TRAPPC9: variants seen among roughly 807,000 people sequenced by gnomAD.
The protein encoded by TRAPPC9 is IKK2 binding protein.
Under a neutral mutation model 124.0 loss-of-function variants are expected in TRAPPC9, and 83 were observed. The observed-to-expected ratio is 0.67, with a 90% CI of 0.56 to 0.80. The LOEUF is 0.80. TRAPPC9 is among the 30% of genes least tolerant of loss of function. The pLI, the probability that TRAPPC9 is intolerant of heterozygous loss-of-function variation, is 0.00. For missense variants in TRAPPC9, 1,302 were observed against 1,508.3 expected, an observed-to-expected ratio of 0.86 and a Z score of 2.27; for synonymous variants, 638 against 617.5, an observed-to-expected ratio of 1.03 and a Z score of -0.49.
intron 17 of TRAPPC9, among the ~76,000 whole-genome samples, chr8:140,221,095 G>C (rs1164770117): frequency 2.6e-5 from 4 of 152,160 alleles, no homozygotes; most frequent in Non-Finnish European, 5.9e-5. Context: ...AATTGGGAAG[G>C]GTTGCCAAAA....
chr8:139,857,207 A>G (rs569387593), intron 21 of TRAPPC9, among the ~76,000 whole-genome samples: 3 of 152,304 alleles, frequency 2.0e-5, no homozygotes, highest in African/African-American at 7.2e-5. Flanking sequence ...GTGGAGCGCC[A>G]GGAGGTGAGG....
chr8:140,248,374 C>T (rs977220558), intron 16 of TRAPPC9, among the ~76,000 whole-genome samples: 1 of 152,238 alleles, frequency 6.6e-6, no homozygotes, highest in Non-Finnish European at 1.5e-5. Context: ...AACTCCTCCA[C>T]ATTTCAGCTG....
intron 9 of TRAPPC9, among the ~76,000 whole-genome samples, chr8:140,357,866 C>G (rs961430696): frequency 1.3e-5 from 2 of 152,174 alleles, no homozygotes; most frequent in Non-Finnish European, 2.9e-5. Context: ...TCAAATGCAG[C>G]CCCAAAAGCA....
intron 17 of TRAPPC9, among the ~76,000 whole-genome samples, chr8:140,154,220 A>T (rs1035290825): frequency 3.3e-5 from 5 of 152,094 alleles, no homozygotes; most frequent in Non-Finnish European, 7.4e-5. Context: ...CCAGGCCAGA[A>T]ATCTGTGAGC....
intron 7 of TRAPPC9, among the ~76,000 whole-genome samples, chr8:140,383,501 A>G (rs1588255032): frequency 6.6e-6 from 1 of 152,358 alleles, no homozygotes; most frequent in East Asian, 1.9e-4. Flanking sequence ...ATGGCACGAG[A>G]ACTACGTGAC....
At chr8:140,308,674 A>T (rs950279404) in intron 10 of TRAPPC9, among the ~76,000 whole-genome samples, 2 of 152,106 alleles carry the variant, frequency 1.3e-5, no homozygotes, top group Non-Finnish European at 1.5e-5. Context: ...CGAGGTCAGG[A>T]GTTCGAGACC....
At chr8:140,251,615 C>T (rs1443282493) in intron 16 of TRAPPC9, among the ~76,000 whole-genome samples, 1 of 152,232 alleles carries the variant, frequency 6.6e-6, no homozygotes, top group Non-Finnish European at 1.5e-5. Flanking sequence ...GCTGCGTCCC[C>T]CTTCCCCAGC....
chr8:140,214,946 C>T (rs574119032), intron 17 of TRAPPC9, among the ~76,000 whole-genome samples: 32 of 152,266 alleles, frequency 2.1e-4, no homozygotes, highest in Non-Finnish European at 3.1e-4. Flanking sequence ...AGGTTTAGCA[C>T]GATTCCAATT....
At chr8:140,004,674 C>T (rs1007944309) in intron 18 of TRAPPC9, among the ~76,000 whole-genome samples, 5 of 152,080 alleles carry the variant, frequency 3.3e-5, no homozygotes, top group African/African-American at 1.2e-4. Flanking sequence ...AGCTGCAAAA[C>T]CTACCAGCCA....
chr8:139,924,631 TAC>T (rs1414292596), intron 19 of TRAPPC9, among the ~76,000 whole-genome samples: 1 of 152,184 alleles, frequency 6.6e-6, no homozygotes, highest in Non-Finnish European at 1.5e-5. Context: ...TAAGCTCCAA[TAC>T]AGTCTGCTTT....
intron 20 of TRAPPC9, among the ~76,000 whole-genome samples, chr8:139,906,812 TC>T (rs1831395731): frequency 6.6e-6 from 1 of 152,140 alleles, no homozygotes; most frequent in Non-Finnish European, 1.5e-5. Flanking sequence ...CCCACCAGCA[TC>T]CCCAGGGGCG....
At chr8:139,758,558 G>A (rs547906837) in intron 21 of TRAPPC9, among the ~76,000 whole-genome samples, 1 of 152,206 alleles carries the variant, frequency 6.6e-6, no homozygotes, top group Non-Finnish European at 1.5e-5. Context: ...GACACAGGGA[G>A]GCAAACGGGG....
intron 21 of TRAPPC9, among the ~76,000 whole-genome samples, chr8:139,851,827 G>C (rs1038210229): frequency 3.9e-5 from 6 of 152,212 alleles, no homozygotes; most frequent in African/African-American, 1.4e-4. Flanking sequence ...ATTCAGTCAC[G>C]CACAGTCTCC....
intron 19 of TRAPPC9, chr8:139,932,710 G>A (rs1833264361): frequency 2.7e-6 from 1 of 368,266 alleles, no homozygotes; most frequent in Non-Finnish European, 5.4e-6. Flanking sequence ...GTTGCAGTGA[G>A]CCGAGATGGT....
At chr8:140,059,633 T>C (rs1356766624) in intron 17 of TRAPPC9, among the ~76,000 whole-genome samples, 1 of 152,214 alleles carries the variant, frequency 6.6e-6, no homozygotes, top group East Asian at 1.9e-4. Flanking sequence ...TGTAGGAGTG[T>C]CTAATCGTGG....
At chr8:139,838,494 T>C (rs1209032281) in intron 21 of TRAPPC9, among the ~76,000 whole-genome samples, 2 of 152,122 alleles carry the variant, frequency 1.3e-5, no homozygotes, top group Non-Finnish European at 2.9e-5. Flanking sequence ...GCCTGGGCCA[T>C]GGAAGGGCCC....
chr8:140,102,995 G>A (rs1173553229), intron 17 of TRAPPC9, among the ~76,000 whole-genome samples: 1 of 152,156 alleles, frequency 6.6e-6, no homozygotes, highest in African/African-American at 2.4e-5. Context: ...ATAATCCTGA[G>A]CAAACAAGCA....
chr8:140,016,331 C>A (rs1839460722), intron 18 of TRAPPC9, among the ~76,000 whole-genome samples: 1 of 152,204 alleles, frequency 6.6e-6, no homozygotes, highest in Admixed American at 6.5e-5. Flanking sequence ...GGGCGACCAA[C>A]TGTCCTGGTT....
At chr8:140,225,463 A>G (rs1179212133) in intron 16 of TRAPPC9, among the ~76,000 whole-genome samples, 2 of 152,214 alleles carry the variant, frequency 1.3e-5, no homozygotes, top group African/African-American at 4.8e-5. Context: ...AGACTCAATC[A>G]AAAGCTGTTA....
Sources: allele counts gnomAD v4.1 joint callset (sites outside exome capture counted in the v4.1 genomes callset), GRCh38; gene constraint gnomAD v4.1.1; transcripts MANE v1.5; gene names NCBI Gene and HGNC (gene_info 2026-07-23, HGNC 2026-07-21).